GRIK2: variants seen among roughly 807,000 people sequenced by gnomAD.
GRIK2 encodes the protein glutamate receptor ionotropic, kainate 2.
A neutral mutation model predicts 100.3 loss-of-function variants in GRIK2; 32 were observed. The observed-to-expected ratio is 0.32, with a 90% CI of 0.24 to 0.43. GRIK2 has a LOEUF of 0.43. GRIK2 is among the 20% of genes least tolerant of loss of function. The pLI, the probability that GRIK2 is intolerant of heterozygous loss-of-function variation, is 1.00. For missense variants in GRIK2, 843 were observed against 1,114.9 expected, an observed-to-expected ratio of 0.76 and a Z score of 3.47; for synonymous variants, 417 against 389.4, an observed-to-expected ratio of 1.07 and a Z score of -0.83.
chr6:101,816,518 T>C (rs570399036), intron 9 of GRIK2, among the ~76,000 whole-genome samples: 1 of 151,754 alleles, frequency 6.6e-6, no homozygotes, highest in South Asian at 2.1e-4. Flanking sequence ...AAAATACAAA[T>C]ACAAAATACT....
intron 12 of GRIK2, among the ~76,000 whole-genome samples, chr6:101,913,829 A>G (rs1251339788): frequency 6.6e-6 from 1 of 151,574 alleles, no homozygotes; most frequent in African/African-American, 2.4e-5. Context: ...ATCTATTTAG[A>G]TAAACCATAA....
At chr6:101,556,869 A>G (rs944171540) in intron 2 of GRIK2, among the ~76,000 whole-genome samples, 1 of 152,166 alleles carries the variant, frequency 6.6e-6, no homozygotes, top group Non-Finnish European at 1.5e-5. Context: ...TAATGGTGAT[A>G]TTTTTAAAAA....
intron 2 of GRIK2, among the ~76,000 whole-genome samples, chr6:101,591,927 G>A (rs978044899): frequency 3.1e-4 from 47 of 152,100 alleles, no homozygotes; most frequent in Middle Eastern, 3.4e-3. Context: ...TGGAGGTGGA[G>A]CCTGATGAGA....
At chr6:101,715,774 A>G (rs1774022133) in intron 7 of GRIK2, among the ~76,000 whole-genome samples, 1 of 151,842 alleles carries the variant, frequency 6.6e-6, no homozygotes. Flanking sequence ...TTAATATGGA[A>G]GAATCACAGC....
chr6:101,425,554 T>C (rs957975714), intron 2 of GRIK2, among the ~76,000 whole-genome samples: 1 of 152,192 alleles, frequency 6.6e-6, no homozygotes, highest in African/African-American at 2.4e-5. Context: ...TTCCCAAATT[T>C]TTACTGTAAC....
chr6:101,678,675 C>T (rs1158580476), intron 5 of GRIK2, among the ~76,000 whole-genome samples: 1 of 152,064 alleles, frequency 6.6e-6, no homozygotes, highest in African/African-American at 2.4e-5. Flanking sequence ...TTCTGAGATT[C>T]CTGAACATTC....
chr6:101,983,393 G>C (rs1194424554), intron 14 of GRIK2, among the ~76,000 whole-genome samples: 1 of 151,842 alleles, frequency 6.6e-6, no homozygotes, highest in Non-Finnish European at 1.5e-5. Flanking sequence ...TACAAGCAGA[G>C]TATTGCCACA....
chr6:101,983,809 C>T (rs1317876970), intron 14 of GRIK2, among the ~76,000 whole-genome samples: 1 of 151,662 alleles, frequency 6.6e-6, no homozygotes, highest in African/African-American at 2.4e-5. Context: ...ATCCCTTAAA[C>T]TAGGTTTGTT....
intron 9 of GRIK2, among the ~76,000 whole-genome samples, chr6:101,812,033 T>C (rs1447258958): frequency 1.3e-5 from 2 of 151,358 alleles, no homozygotes; most frequent in Non-Finnish European, 3.0e-5. Flanking sequence ...TTTAAAATAC[T>C]TATAAAATAT....
chr6:101,636,370 G>T (rs1781013517), intron 4 of GRIK2, among the ~76,000 whole-genome samples: 1 of 152,060 alleles, frequency 6.6e-6, no homozygotes, highest in Admixed American at 6.6e-5. Context: ...GAGTAGGAGA[G>T]GGATAGCATT....
intron 2 of GRIK2, among the ~76,000 whole-genome samples, chr6:101,492,500 T>C (rs1035647318): frequency 3.3e-5 from 5 of 151,996 alleles, no homozygotes; most frequent in Admixed American, 1.3e-4. Flanking sequence ...CTATGAGTTA[T>C]AATAAATTAA....
In GRIK2 at chr6:101,815,973, C is replaced by G. The variant is rs1217998369; in HGVS notation, c.1204-2397C>G. On this transcript the variant is annotated intron_variant, in intron 9 of 16. Transcript: ENST00000369134. ...CATCTGTGTCAGAACTCCAAAAAAA[C>G]TAGAAAAGCAACTAACCAATAATGA... Among the ~76,000 whole-genome samples the G allele has an allele frequency of 3.3e-5, 5 of 152,152 alleles. No individual in the cohort carries two copies. In the East Asian group the frequency reaches 7.7e-4, roughly 24 times the overall value.
chr6:101,617,775 T>C (rs1164070323), intron 2 of GRIK2, among the ~76,000 whole-genome samples: 1 of 151,774 alleles, frequency 6.6e-6, no homozygotes, highest in Non-Finnish European at 1.5e-5. Flanking sequence ...ATATTTCTGT[T>C]GGTTTGACTG....
At chr6:101,800,318 A>G (rs189029539) in intron 8 of GRIK2, among the ~76,000 whole-genome samples, 1 of 151,952 alleles carries the variant, frequency 6.6e-6, no homozygotes, top group East Asian at 1.9e-4. Context: ...ATTTCTGACT[A>G]TGTCTGTTAT....
At chr6:102,042,359 A>T (rs1466594223) in intron 15 of GRIK2, among the ~76,000 whole-genome samples, 1 of 151,662 alleles carries the variant, frequency 6.6e-6, no homozygotes, top group Non-Finnish European at 1.5e-5. Flanking sequence ...TGAACATAAA[A>T]TATAAACATA....
At chr6:101,617,807 T>A (rs181112387) in intron 2 of GRIK2, among the ~76,000 whole-genome samples, 1 of 151,898 alleles carries the variant, frequency 6.6e-6, no homozygotes, top group Admixed American at 6.6e-5. Flanking sequence ...TTTTGTAGAT[T>A]CTTTAAAAGA....
At chr6:101,534,144 T>A (rs914528626) in intron 2 of GRIK2, among the ~76,000 whole-genome samples, 3 of 151,918 alleles carry the variant, frequency 2.0e-5, no homozygotes, top group African/African-American at 7.2e-5. Flanking sequence ...TTTATTTTTT[T>A]TTTTTGAAAT....
intron 14 of GRIK2, among the ~76,000 whole-genome samples, chr6:101,944,454 TGAAA>T (rs1463171327): frequency 1.3e-5 from 2 of 152,170 alleles, no homozygotes; most frequent in Non-Finnish European, 2.9e-5. Context: ...GTAGAACTAT[TGAAA>T]GAAATAGAAG....
intron 2 of GRIK2, among the ~76,000 whole-genome samples, chr6:101,477,955 T>C (rs1279212353): frequency 6.6e-6 from 1 of 152,174 alleles, no homozygotes; most frequent in Admixed American, 6.6e-5. Flanking sequence ...ATGAATGCCT[T>C]TAAGCTGAAA....
Sources: allele counts gnomAD v4.1 joint callset (sites outside exome capture counted in the v4.1 genomes callset), GRCh38; gene constraint gnomAD v4.1.1; transcripts MANE v1.5; gene names NCBI Gene and HGNC (gene_info 2026-07-23, HGNC 2026-07-21).